The following DCLK1 variants were observed in gnomAD, a reference collection of about 807,000 sequenced individuals.
DCLK1 encodes serine/threonine-protein kinase DCLK1.
A neutral mutation model predicts 86.2 loss-of-function variants in DCLK1; 16 were observed. The ratio of observed to expected loss-of-function variants is 0.19; its 90% CI spans 0.13 to 0.28. The LOEUF is 0.28. DCLK1 is among the 10% of genes least tolerant of loss of function. DCLK1 has a pLI of 1.00. For synonymous variants in DCLK1, 369 were observed against 370.5 expected (o/e 1.00, Z 0.05); for missense variants, 590 against 940.2 (o/e 0.63, Z 4.87).
chr13:36,076,611 C>T (rs986283975), intron 3 of DCLK1, among the ~76,000 whole-genome samples: 4 of 152,254 alleles, frequency 2.6e-5, no homozygotes, highest in African/African-American at 9.6e-5. Context: ...TATAGTAAGA[C>T]CCTAGTCCTT....
intron 3 of DCLK1, among the ~76,000 whole-genome samples, chr13:36,068,955 T>C (rs1042210977): frequency 1.3e-5 from 2 of 152,242 alleles, no homozygotes; most frequent in African/African-American, 4.8e-5. Flanking sequence ...TTTTTAAATA[T>C]AGCAGTCAGA....
At chr13:35,841,492 A>C (rs562310472) in intron 6 of DCLK1, among the ~76,000 whole-genome samples, 7 of 152,270 alleles carry the variant, frequency 4.6e-5, no homozygotes, top group Admixed American at 6.5e-5. Context: ...TCTGAACAAA[A>C]ATCTCTCAAG....
intron 4 of DCLK1, among the ~76,000 whole-genome samples, chr13:35,916,071 A>G (rs562850631): frequency 2.6e-5 from 4 of 152,340 alleles, no homozygotes; most frequent in African/African-American, 9.6e-5. Context: ...GCTCTGCGTG[A>G]TGAGGCACTT....
At chr13:35,961,962 T>A (rs1015687533) in intron 3 of DCLK1, among the ~76,000 whole-genome samples, 1 of 152,196 alleles carries the variant, frequency 6.6e-6, no homozygotes, top group African/African-American at 2.4e-5. Flanking sequence ...ACCATAACAA[T>A]GTAATTTCTG....
chr13:35,794,818 T>C (rs2086775601), intron 15 of DCLK1, among the ~76,000 whole-genome samples: 1 of 152,186 alleles, frequency 6.6e-6, no homozygotes, highest in Admixed American at 6.5e-5. Context: ...CTATTTCTAT[T>C]TTTTTGGTGT....
intron 15 of DCLK1, 120 bp downstream of exon 15, chr13:35,805,579 G>A (rs1006637989): frequency 3.4e-5 from 34 of 995,386 alleles, no homozygotes; most frequent in African/African-American, 1.5e-4. Flanking sequence ...GATTACAGGC[G>A]TGAGACACTG....
intron 3 of DCLK1, among the ~76,000 whole-genome samples, chr13:35,975,251 G>GCTGTT (rs1879276897): frequency 6.6e-6 from 1 of 152,178 alleles, no homozygotes; most frequent in African/African-American, 2.4e-5. Flanking sequence ...GTAGGCTTGG[G>GCTGTT]CAGGAAAAAA....
At chr13:36,129,389 C>T (rs968173529) in intron 1 of DCLK1, among the ~76,000 whole-genome samples, 2 of 152,158 alleles carry the variant, frequency 1.3e-5, no homozygotes, top group Admixed American at 6.5e-5. Flanking sequence ...CAGGTTCATC[C>T]AGGGCAGGGC....
chr13:36,071,059 A>T (rs931209462), intron 3 of DCLK1, among the ~76,000 whole-genome samples: 2 of 152,042 alleles, frequency 1.3e-5, no homozygotes, highest in African/African-American at 4.8e-5. Context: ...CTACAAGGAA[A>T]TTTTTTTATA....
intron 6 of DCLK1, among the ~76,000 whole-genome samples, chr13:35,850,937 C>G (rs1870580008): frequency 6.6e-6 from 1 of 152,102 alleles, no homozygotes. Flanking sequence ...ATAGAGAAAC[C>G]ATCTAAATAA....
intron 5 of DCLK1, among the ~76,000 whole-genome samples, chr13:35,867,955 A>AAGAAAGAAAGAG (rs1871964935): frequency 1.3e-5 from 2 of 148,370 alleles, no homozygotes; most frequent in East Asian, 4.0e-4. Context: ...GAAAGAAAGA[A>AAGAAAGAAAGAG]AGAAAGAAAG....
At chr13:35,895,101 CA>C (rs1483030843) in intron 4 of DCLK1, among the ~76,000 whole-genome samples, 1 of 152,056 alleles carries the variant, frequency 6.6e-6, no homozygotes, top group Non-Finnish European at 1.5e-5. Flanking sequence ...GCACCACATC[CA>C]GCTAAGTTTC....
chr13:36,087,514 G>A (rs1884652388), intron 3 of DCLK1, among the ~76,000 whole-genome samples: 1 of 152,172 alleles, frequency 6.6e-6, no homozygotes, highest in Admixed American at 6.5e-5. Context: ...ATCTCTTAGA[G>A]TCAAGCATTG....
chr13:35,951,580 C>T (rs1461131646), intron 3 of DCLK1, among the ~76,000 whole-genome samples: 4 of 151,774 alleles, frequency 2.6e-5, no homozygotes, highest in Non-Finnish European at 5.9e-5. Flanking sequence ...TTGATCAATA[C>T]GTGTTTACTG....
At position 35,774,388 on chromosome 13, in the gene DCLK1, T is replaced by C; in HGVS notation, c.*147A>G. The C allele has an allele frequency of 2.0e-6, 2 of 997,298 alleles. No homozygotes were observed. Among genetic ancestry groups the C allele is most frequent in the Non-Finnish European group, 2.9e-6 (2 of 693,426 alleles). The allele number at this position is 997,298 out of a possible 1,614,324, so 61.8% of individuals were successfully genotyped here. ...ATCTTATTCAGTAAAGGGAAACCGC[T>C]ACAAAGATACCTGAAAACACTTTCA... On this transcript the variant is annotated 3_prime_UTR_variant, in exon 17 of 17. Transcript: ENST00000360631.
intron 4 of DCLK1, among the ~76,000 whole-genome samples, chr13:35,916,402 T>C (rs1566601305): frequency 6.6e-6 from 1 of 152,152 alleles, no homozygotes; most frequent in East Asian, 1.9e-4. Context: ...GGCAGCTCTC[T>C]TCCCCCTCTG....
intron 3 of DCLK1, among the ~76,000 whole-genome samples, chr13:35,996,716 T>TACAC (rs139759662): frequency 1.3e-5 from 2 of 151,806 alleles, no homozygotes; most frequent in Non-Finnish European, 2.9e-5. Context: ...TATATATATA[T>TACAC]ACACACAACC....
chr13:35,857,114 G>A lies in DCLK1; in HGVS notation c.941-2521C>T, dbSNP rs566905074. Among the ~76,000 whole-genome samples the A allele has an allele frequency of 7.9e-5, 12 of 152,210 alleles. No homozygotes were observed. The South Asian group carries it at 1.5e-3, about 18-fold the overall frequency. The stretch of plus-strand genomic sequence containing the variant: ...TAGTCAAGGAAGTGACCATGTTCTC[G>A]GGATGCAGCATTGGTGGTGACCTCA... On this transcript the variant is annotated intron_variant, in intron 5 of 16. Coordinates refer to ENST00000360631, the MANE Select transcript of DCLK1 (RefSeq NM_001330071.2).
intron 1 of DCLK1, 61 bp from the exon 2 acceptor site, chr13:36,126,217 A>AT (rs113810001): frequency 2.7e-5 from 32 of 1,196,826 alleles, no homozygotes; most frequent in South Asian, 1.4e-4. Flanking sequence ...ATATATATAT[A>AT]TTTTTTTGTT....
Sources: allele counts gnomAD v4.1 joint callset (sites outside exome capture counted in the v4.1 genomes callset), GRCh38; gene constraint gnomAD v4.1.1; transcripts MANE v1.5; gene names NCBI Gene and HGNC (gene_info 2026-07-23, HGNC 2026-07-21).